AMOT: variants seen among roughly 807,000 people sequenced by gnomAD.
AMOT encodes the protein angiomotin.
Under a neutral mutation model 67.0 loss-of-function variants are expected in AMOT, and 11 were observed. The ratio of observed to expected loss-of-function variants is 0.16; its 90% CI spans 0.10 to 0.27. AMOT has a LOEUF of 0.27. Ranked by LOEUF, AMOT falls within the 10% of genes least tolerant of loss-of-function variation. The pLI is 1.00. For synonymous variants in AMOT, 326 were observed against 321.4 expected (o/e 1.01, Z -0.15); for missense variants, 753 against 852.0 (o/e 0.88, Z 1.45).
intron 7 of AMOT, among the ~76,000 whole-genome samples, chrX:112,809,068 AATCCC>A (rs1934275610): frequency 1.8e-5 from 2 of 111,454 alleles, no homozygotes; most frequent in Non-Finnish European, 3.8e-5. Flanking sequence ...GAGAATGGCA[AATCCC>A]TACTGAGCAC....
chrX:112,792,119 G>C, intron 8 of AMOT, 138 bp from the exon 9 acceptor site: 1 of 692,666 alleles, frequency 1.4e-6, no homozygotes, highest in Non-Finnish European at 2.2e-6. Flanking sequence ...GGAATGGATG[G>C]CGAGAAGGTC....
At chrX:112,790,490 G>A in intron 10 of AMOT, 102 bp downstream of exon 10, 2 of 933,945 alleles carry the variant, frequency 2.1e-6, no homozygotes, top group Non-Finnish European at 2.9e-6. Context: ...CAGAAATTGG[G>A]GGGGAAACCC....
intron 5 of AMOT, among the ~76,000 whole-genome samples, chrX:112,813,467 T>C (rs1017979828): frequency 5.4e-5 from 6 of 111,818 alleles, no homozygotes; most frequent in Non-Finnish European, 1.9e-5. Context: ...TTTCCTCTCC[T>C]GGTCCACCTT....
intron 1 of AMOT, among the ~76,000 whole-genome samples, chrX:112,835,724 C>T (rs1246369389): frequency 2.7e-5 from 3 of 110,976 alleles, no homozygotes; most frequent in African/African-American, 6.6e-5. Context: ...GCTGGGATTA[C>T]AGGCATGCGC....
At chrX:112,787,227 T>C (rs1353758655) in intron 10 of AMOT, among the ~76,000 whole-genome samples, 1 of 111,863 alleles carries the variant, frequency 8.9e-6, no homozygotes, top group East Asian at 2.8e-4. Context: ...GAAAAGACAC[T>C]TGCCTGTTCT....
intron 10 of AMOT, among the ~76,000 whole-genome samples, chrX:112,784,171 T>G (rs909982471): frequency 1.8e-5 from 2 of 112,097 alleles, no homozygotes; most frequent in African/African-American, 6.5e-5. Flanking sequence ...CTTTCTCTAG[T>G]GCAATTCACT....
chrX:112,835,154 A>G (rs1325700688), intron 1 of AMOT, among the ~76,000 whole-genome samples: 1 of 38,240 alleles, frequency 2.6e-5, no homozygotes, highest in East Asian at 2.7e-3. Flanking sequence ...AGCATGCCGA[A>G]ACACCTCTGT....
intron 2 of AMOT, among the ~76,000 whole-genome samples, chrX:112,826,509 A>T (rs1302603226): frequency 8.9e-6 from 1 of 112,268 alleles, no homozygotes; most frequent in Non-Finnish European, 1.9e-5. Flanking sequence ...CTGCAAGGTA[A>T]TTATTTTAGG....
chrX:112,834,067 C>G (rs946325817), intron 1 of AMOT, among the ~76,000 whole-genome samples: 2 of 111,970 alleles, frequency 1.8e-5, no homozygotes, highest in African/African-American at 6.5e-5. Context: ...TTTTTATTCC[C>G]TTAAAAATAA....
chrX:112,790,888 C>T, intron 9 of AMOT, 106 bp from the exon 10 acceptor site: 1 of 750,842 alleles, frequency 1.3e-6, no homozygotes, highest in Admixed American at 4.6e-5. Context: ...TCTGTTTCGA[C>T]TCTGATTCAG....
At position 112,833,006 on chromosome X, in the gene AMOT, T is replaced by C. The variant is rs767949856; in HGVS notation, c.-288-636A>G. On this transcript the variant is annotated intron_variant, in intron 1 of 13. Coordinates refer to ENST00000371959, the MANE Select transcript of AMOT (RefSeq NM_001113490.2). ...CTTGCCTGAGGTGCCACTGCAGAAC[T>C]GAATCTAAACCCTGCCTTCCCAAGA... 2.0e-4 allele frequency among the ~76,000 whole-genome samples: 22 copies of C among 112,206 alleles called. 1 individual carries two copies. The highest frequency in any genetic ancestry group is 1.5e-3 in the Admixed American group (16 of 10,611).
At chrX:112,827,120 G>C (rs1413132112) in intron 2 of AMOT, among the ~76,000 whole-genome samples, 2 of 112,722 alleles carry the variant, frequency 1.8e-5, no homozygotes, top group East Asian at 5.6e-4. Context: ...GTCTCCCAAG[G>C]TGTTGGGATT....
chrX:112,793,747 A>G lies in AMOT; in HGVS notation c.1777-1766T>C, dbSNP rs745730398. 1.1e-4 allele frequency among the ~76,000 whole-genome samples: 12 copies of G among 112,127 alleles called. 1 individual carries two copies. Among genetic ancestry groups the G allele is most frequent in the African/African-American group, 3.2e-4 (10 of 30,864 alleles). ...ACCAGTTGAGGTGAGTTCGAAGCCT[A>G]TATGTTTTTATCCATTAGAACTTTT... On this transcript the variant is annotated intron_variant, in intron 8 of 13. Coordinates refer to ENST00000371959, the MANE Select transcript of AMOT (RefSeq NM_001113490.2).
At position 112,780,931 on chromosome X, in the gene AMOT, T is replaced by A; in HGVS notation, c.2428A>T (p.Ile810Phe). The stretch of plus-strand genomic sequence containing the variant: ...TTGTCGTCTCGCTTTTCTTCCATGA[T>A]GGGGGAGCCAGTCAGGGTGGATGAG... The part of the protein sequence containing the change: ...SHSSTLTGSP[I>F]MEEKRDDKSW... The change falls in exon 12 of 14, where the codon ATC becomes TTC. Residue 810 changes from isoleucine to phenylalanine, a missense_variant. Transcript: ENST00000371959. 2 of 1,211,910 alleles carry A rather than the reference T, an allele frequency of 1.7e-6. No individual in the cohort carries two copies. Among genetic ancestry groups the A allele is most frequent in the Non-Finnish European group, 1.1e-6 (1 of 895,535 alleles).
At position 112,822,366 on chromosome X, in the gene AMOT, C is replaced by A; in HGVS notation, c.761G>T (p.Cys254Phe). The change falls in exon 4 of 14, where the codon TGC becomes TTC. Residue 254 changes from cysteine (C) to phenylalanine (F), a missense_variant. Coordinates refer to ENST00000371959, the MANE Select transcript of AMOT (RefSeq NM_001113490.2). ...GAAGTGCCCTGGCTCTTGGGGCTTG[C>A]ACACTACAGATTGGGGTGGCATGCC... ...FKGMPPQSVV[C>F]KPQEPGHFYS... is the part of the protein sequence containing the mutation. The A allele has an allele frequency of 8.6e-7, 1 of 1,165,225 alleles. No homozygotes were observed. The highest frequency in any genetic ancestry group is 2.3e-4 in the Middle Eastern group (1 of 4,293).
intron 12 of AMOT, 41 bp downstream of exon 12, chrX:112,780,845 T>C (rs775611343): frequency 1.7e-6 from 2 of 1,169,454 alleles, no homozygotes; most frequent in African/African-American, 1.8e-5. Flanking sequence ...AGGGCTCTCT[T>C]TGAACACGTG....
chrX:112,813,245 G>A (rs1415489869), intron 5 of AMOT, among the ~76,000 whole-genome samples: 2 of 104,359 alleles, frequency 1.9e-5, no homozygotes, highest in African/African-American at 7.0e-5. Context: ...CTTCAAAAGG[G>A]CAAGTCCCAC....
Position 112,819,399 on chromosome X carries a change from C to T in AMOT, c.872+2856G>A, listed in dbSNP as rs1002061044. ...TGAATCCTGGAGCAGGCTGCAAATTCCTGATGGTTTCTCTTGCACAACCAG... is the reference window on the plus strand; with the variant it reads ...TGAATCCTGGAGCAGGCTGCAAATTTCTGATGGTTTCTCTTGCACAACCAG... On this transcript the variant is annotated intron_variant, in intron 4 of 13. Coordinates refer to ENST00000371959, the MANE Select transcript of AMOT (RefSeq NM_001113490.2). 1.3e-5 allele frequency: 10 copies of T among 752,848 alleles called. No individual in the cohort carries two copies. The Admixed American group carries it at 2.6e-4, about 20-fold the overall frequency. The allele number at this position is 752,848 out of a possible 1,213,427, so 62.0% of individuals were successfully genotyped here.
At chrX:112,813,331 G>A (rs1174814102) in intron 5 of AMOT, among the ~76,000 whole-genome samples, 4 of 111,553 alleles carry the variant, frequency 3.6e-5, no homozygotes, top group South Asian at 7.6e-4. Flanking sequence ...TGATGGTGGG[G>A]GCAGAGAGGA....
Sources: allele counts gnomAD v4.1 joint callset (sites outside exome capture counted in the v4.1 genomes callset), GRCh38; gene constraint gnomAD v4.1.1; transcripts MANE v1.5; gene names NCBI Gene and HGNC (gene_info 2026-07-23, HGNC 2026-07-21).